AGPS: variants seen among roughly 807,000 people sequenced by gnomAD.
AGPS encodes alkylglycerone phosphate synthase.
A neutral mutation model predicts 90.7 loss-of-function variants in AGPS; 26 were observed. The ratio of observed to expected loss-of-function variants is 0.29; its 90% CI spans 0.21 to 0.40. The LOEUF (loss-of-function observed/expected upper bound fraction) is 0.40. Ranked by LOEUF, AGPS falls within the 10% of genes least tolerant of loss-of-function variation. AGPS has a pLI of 1.00. For missense variants in AGPS, 540 were observed against 816.1 expected, an observed-to-expected ratio of 0.66 and a Z score of 4.12; for synonymous variants, 294 against 285.3, an observed-to-expected ratio of 1.03 and a Z score of -0.31.
intron 1 of AGPS, among the ~76,000 whole-genome samples, chr2:177,407,090 C>G (rs926502516): frequency 3.9e-5 from 6 of 152,190 alleles, no homozygotes; most frequent in Non-Finnish European, 8.8e-5. Flanking sequence ...GTATCATGTA[C>G]TGTTCCTGTG....
chr2:177,516,341 G>A (rs1487404754), intron 17 of AGPS, among the ~76,000 whole-genome samples: 2 of 151,976 alleles, frequency 1.3e-5, no homozygotes, highest in African/African-American at 2.4e-5. Flanking sequence ...GCTAGTCATT[G>A]AGTCTAATAC....
chr2:177,517,844 A>G (rs950342967), intron 17 of AGPS, among the ~76,000 whole-genome samples: 3 of 152,134 alleles, frequency 2.0e-5, no homozygotes, highest in Non-Finnish European at 4.4e-5. Flanking sequence ...TGTCCTACTG[A>G]TATCTTTATC....
At chr2:177,494,641 C>T (rs561176856) in intron 12 of AGPS, among the ~76,000 whole-genome samples, 22 of 152,306 alleles carry the variant, frequency 1.4e-4, no homozygotes, top group Non-Finnish European at 2.6e-4. Flanking sequence ...TGTCATCCCT[C>T]TTCCATGTTC....
intron 1 of AGPS, among the ~76,000 whole-genome samples, chr2:177,400,396 A>G (rs1285167629): frequency 6.6e-6 from 1 of 152,190 alleles, no homozygotes; most frequent in South Asian, 2.1e-4. Context: ...GTAAATATAT[A>G]AAATATCAAT....
intron 14 of AGPS, among the ~76,000 whole-genome samples, chr2:177,500,514 A>C (rs1476134058): frequency 2.0e-5 from 3 of 151,864 alleles, no homozygotes; most frequent in Admixed American, 6.6e-5. Flanking sequence ...ATGAACACTT[A>C]ATTTGGACCC....
chr2:177,505,788 T>G (rs1688691587), intron 15 of AGPS, among the ~76,000 whole-genome samples: 1 of 151,944 alleles, frequency 6.6e-6, no homozygotes, highest in South Asian at 2.1e-4. Context: ...AAAGATGATT[T>G]AATATGTCTT....
chr2:177,408,942 G>C (rs547106491), intron 1 of AGPS, among the ~76,000 whole-genome samples: 1 of 152,294 alleles, frequency 6.6e-6, no homozygotes, highest in East Asian at 1.9e-4. Context: ...CATGGGCTGG[G>C]TCTAGGGTGG....
intron 17 of AGPS, among the ~76,000 whole-genome samples, chr2:177,516,624 T>G (rs1332257838): frequency 6.6e-6 from 1 of 152,192 alleles, no homozygotes; most frequent in Non-Finnish European, 1.5e-5. Context: ...AGCTTTGTTA[T>G]GACTTCAGTA....
chr2:177,418,192 G>A (rs543050570), intron 1 of AGPS, among the ~76,000 whole-genome samples: 1 of 152,036 alleles, frequency 6.6e-6, no homozygotes, highest in African/African-American at 2.4e-5. Context: ...TGAAAATTTG[G>A]AAGTTCTTTA....
chr2:177,470,325 A>C (rs1229371120), intron 10 of AGPS, among the ~76,000 whole-genome samples: 1 of 152,218 alleles, frequency 6.6e-6, no homozygotes, highest in African/African-American at 2.4e-5. Flanking sequence ...TTTTATCTAA[A>C]AGACTGGGCT....
chr2:177,400,980 A>G (rs1239898928), intron 1 of AGPS, among the ~76,000 whole-genome samples: 2 of 152,174 alleles, frequency 1.3e-5, no homozygotes, highest in Non-Finnish European at 2.9e-5. Flanking sequence ...TTCTCTTATC[A>G]CTTTAGTCAC....
intron 3 of AGPS, among the ~76,000 whole-genome samples, chr2:177,434,697 G>A (rs188448200): frequency 3.0e-4 from 46 of 152,080 alleles, no homozygotes; most frequent in African/African-American, 1.1e-3. Flanking sequence ...ATAACTATTT[G>A]TTCTGCCTAT....
rs920285676 is a variant in AGPS at position 177,434,380 on chromosome 2, C to T, written c.404C>T (p.Thr135Ile). 6 of 1,612,832 alleles carry T rather than the reference C, an allele frequency of 3.7e-6. No individual in the cohort carries two copies. The African/African-American group carries it at 8.0e-5, about 22-fold the overall frequency. ...LPTFKEWIQN[T>I]LGVNVEHKTT... ...ACATTTAAAGAATGGATCCAAAATA[C>T]CCTTGGAGTAAATGTGGAGCATAAA... The change falls in exon 3 of 20, where the codon ACC becomes ATC. Residue 135 changes from threonine (T) to isoleucine (I), a missense_variant. Thr to Ile is a moderately conservative substitution (Grantham distance 89). Around this residue, in one of 2 missense-constraint regions of AGPS, gnomAD observed 405 missense variants for 692.1 expected, o/e 0.59. Coordinates refer to ENST00000264167, the MANE Select transcript of AGPS (RefSeq NM_003659.4).
At chr2:177,533,046 T>A (rs771377051) in intron 19 of AGPS, among the ~76,000 whole-genome samples, 5 of 152,218 alleles carry the variant, frequency 3.3e-5, no homozygotes, top group Non-Finnish European at 7.3e-5. Context: ...ACTATATCAG[T>A]GTCAATGTCT....
intron 19 of AGPS, among the ~76,000 whole-genome samples, chr2:177,535,893 C>T (rs1254361681): frequency 6.6e-6 from 1 of 151,746 alleles, no homozygotes; most frequent in Admixed American, 6.6e-5. Context: ...CTTTGTTGGC[C>T]GTACTGCCCT....
chr2:177,472,298 A>C (rs543422930), intron 10 of AGPS, among the ~76,000 whole-genome samples: 10 of 148,530 alleles, frequency 6.7e-5, no homozygotes, highest in Non-Finnish European at 1.5e-4. Flanking sequence ...ATTAAGTTTT[A>C]ATTTGAATCT....
intron 10 of AGPS, among the ~76,000 whole-genome samples, chr2:177,480,635 G>T (rs1687917022): frequency 6.6e-6 from 1 of 151,932 alleles, no homozygotes; most frequent in Admixed American, 6.6e-5. Context: ...TAAATGATGA[G>T]TTAATGGGTG....
chr2:177,505,431 G>C (rs1293110822), intron 14 of AGPS, 75 bp from the exon 15 acceptor site: 2 of 1,288,764 alleles, frequency 1.6e-6, no homozygotes, highest in Non-Finnish European at 2.2e-6. Context: ...TTATTCTCTT[G>C]ACAGCTTTTT....
intron 16 of AGPS, among the ~76,000 whole-genome samples, chr2:177,510,907 C>T (rs73976747): frequency 0.026 from 4,012 of 152,130 alleles, 180 homozygotes; most frequent in African/African-American, 0.091. Flanking sequence ...AAGGGATTAC[C>T]GGTCATACTA....
Sources: allele counts gnomAD v4.1 joint callset (sites outside exome capture counted in the v4.1 genomes callset), GRCh38; gene constraint gnomAD v4.1.1; regional missense constraint gnomAD v4.1.1; transcripts MANE v1.5; gene names NCBI Gene and HGNC (gene_info 2026-07-23, HGNC 2026-07-21).